ZC3H4: variants seen among roughly 807,000 people sequenced by gnomAD.
ZC3H4 encodes the protein zinc finger CCCH-type containing 4, also known as zinc finger CCCH domain-containing protein 4.
Under a neutral mutation model 108.3 loss-of-function variants are expected in ZC3H4, and 13 were observed. That is an observed-to-expected ratio of 0.12 (90% CI 0.08 to 0.19). ZC3H4 has a LOEUF of 0.19. Ranked by LOEUF, ZC3H4 falls within the 10% of genes least tolerant of loss-of-function variation. The pLI is 1.00. For synonymous variants in ZC3H4, 917 were observed against 749.6 expected (o/e 1.22, Z -3.65); for missense variants, 1,734 against 1,838.8 (o/e 0.94, Z 1.04).
At chr19:47,076,656 C>A (rs962922382) in intron 11 of ZC3H4, among the ~76,000 whole-genome samples, 2 of 152,018 alleles carry the variant, frequency 1.3e-5, no homozygotes, top group Non-Finnish European at 2.9e-5. Context: ...GAGTTCAAGA[C>A]CAGCCTGACC....
intron 2 of ZC3H4, among the ~76,000 whole-genome samples, chr19:47,109,040 G>A (rs1600117585): frequency 3.3e-5 from 5 of 152,180 alleles, no homozygotes; most frequent in Admixed American, 2.6e-4. Context: ...GTAAAAGTTT[G>A]TAAGTGTATA....
Position 47,068,846 on chromosome 19 carries a change from C to A in ZC3H4, c.2398+246G>T, listed in dbSNP as rs978287113. Among the ~76,000 whole-genome samples the A allele has an allele frequency of 3.9e-5, 6 of 152,214 alleles. 1 individual carries two copies. Among genetic ancestry groups the A allele is most frequent in the Admixed American group, 3.9e-4 (6 of 15,284 alleles). On this transcript the variant is annotated intron_variant, in intron 14 of 14. Coordinates refer to ENST00000253048, the MANE Select transcript of ZC3H4 (RefSeq NM_015168.2). Reference sequence around the variant, plus strand: ...TGTTGGCCACTGTCTCCTCCAGGAACTAGCCCTCCATCCTACTCCATGGGA... The same window carrying A: ...TGTTGGCCACTGTCTCCTCCAGGAAATAGCCCTCCATCCTACTCCATGGGA...
At chr19:47,084,484 G>C (rs2057580972) in intron 8 of ZC3H4, 29 bp from the exon 9 acceptor site, 1 of 1,606,710 alleles carries the variant, frequency 6.2e-7, no homozygotes, top group Middle Eastern at 1.7e-4. Context: ...GGACGTAAAG[G>C]GGAATGAAAG....
At chr19:47,090,892 G>A (rs2057719795) in intron 4 of ZC3H4, among the ~76,000 whole-genome samples, 1 of 152,216 alleles carries the variant, frequency 6.6e-6, no homozygotes, top group African/African-American at 2.4e-5. Flanking sequence ...ACTGGAGGCA[G>A]GGAAGGGGGC....
At chr19:47,086,644 C>CT in intron 5 of ZC3H4, 106 bp from the exon 6 acceptor site, 1 of 1,423,664 alleles carries the variant, frequency 7.0e-7, no homozygotes, top group Non-Finnish European at 9.1e-7. Context: ...CAGCTGCCTC[C>CT]TCCTCCTTCT....
In ZC3H4 at chr19:47,071,975, G is replaced by A; in HGVS notation, c.1949C>T (p.Ala650Val). Reference protein sequence around the residue: ...MHPDMHADMHADMPMGPGMNP... With the variant: ...MHPDMHADMHVDMPMGPGMNP... The stretch of plus-strand genomic sequence containing the variant: ...CATGCCAGGGCCCATCGGCATGTCT[G>A]CGTGCATGTCTGCGTGCATGTCAGG... The change falls in exon 13 of 15, where the codon GCA (alanine) becomes GTA (valine). Residue 650 changes from alanine (A) to valine (V), a missense_variant. By Grantham distance (64) the Ala-to-Val change is moderately conservative (BLOSUM62 0). Around this residue, in one of 9 missense-constraint regions of ZC3H4, gnomAD observed 540 missense variants for 484.1 expected, o/e 1.12. Transcript: ENST00000253048. The A allele has an allele frequency of 1.3e-6, 2 of 1,574,300 alleles. No individual in the cohort carries two copies. Among genetic ancestry groups the A allele is most frequent in the Non-Finnish European group, 1.7e-6 (2 of 1,146,462 alleles).
chr19:47,085,044 G>A lies in ZC3H4; in HGVS notation c.1107+12C>T, dbSNP rs1191617686. 2.0e-5 allele frequency: 32 copies of A among 1,614,096 alleles called. No homozygotes were observed. The highest frequency in any genetic ancestry group is 2.7e-5 in the Non-Finnish European group (32 of 1,179,982). The stretch of plus-strand genomic sequence containing the variant: ...TTGGCCCAAACATCAGATCAGAGTG[G>A]AGTCAACTCACGCCCATGTCCTCGT... On this transcript the variant is annotated intron_variant, in intron 8 of 14. Coordinates refer to ENST00000253048, the MANE Select transcript of ZC3H4 (RefSeq NM_015168.2).
chr19:47,066,895 C>A lies in ZC3H4; in HGVS notation c.3373G>T (p.Val1125Leu). 3.8e-6 allele frequency: 6 copies of A among 1,597,758 alleles called. No individual in the cohort carries two copies. Among genetic ancestry groups the A allele is most frequent in the Non-Finnish European group, 5.1e-6 (6 of 1,178,006 alleles). ...PPATAPYDPR[V>L]LAAGGLGQGG... ...TGGCCCAGTCCACCGGCCGCCAGCA[C>A]GCGGGGGTCGTAGGGAGCGGTGGCT... Residue 1125 changes from valine to leucine, a missense_variant, in exon 15 of 15, where the codon GTG becomes TTG. Val to Leu is a conservative substitution (Grantham distance 32). This residue lies in a region of ZC3H4 where 518 missense variants were observed against 499.6 expected (regional missense o/e 1.04). Transcript: ENST00000253048.
Position 47,072,935 on chromosome 19 carries a change from T to A in ZC3H4, c.1441-222A>T, listed in dbSNP as rs558383163. Among the ~76,000 whole-genome samples, 1 of 152,282 alleles carries A rather than the reference T, an allele frequency of 6.6e-6. No individual in the cohort carries two copies. Among genetic ancestry groups the A allele is most frequent in the South Asian group, 2.1e-4 (1 of 4,824 alleles). On this transcript the variant is annotated intron_variant, in intron 11 of 14. Transcript: ENST00000253048. This position sits in a 1 kb window ranked among gnomAD's most constrained non-coding sequence, Gnocchi z 5.6. ...GGTAGAGGGGGGGCCATTCCTGCTC[T>A]ATGGCAAAATACACATAACAAAGCA...
At position 47,067,245 on chromosome 19, in the gene ZC3H4, A is replaced by G; in HGVS notation, c.3023T>C (p.Leu1008Pro). Reference protein sequence around the residue: ...VPAALQSMPTLDPRLHRAATA... With the variant: ...VPAALQSMPTPDPRLHRAATA... ...GGCAGCGCGGTGCAGCCGGGGGTCC[A>G]GGGTGGGCATGGATTGCAGGGCCGC... Residue 1008 changes from leucine to proline, a missense_variant, in exon 15 of 15, where the codon CTG (leucine) becomes CCG (proline). Transcript: ENST00000253048. This position sits in a 1 kb window ranked among gnomAD's most constrained non-coding sequence, Gnocchi z 6.4. 6.2e-7 allele frequency: 1 copy of G among 1,601,086 alleles called. No individual in the cohort carries two copies. Among genetic ancestry groups the G allele is most frequent in the East Asian group, 2.2e-5 (1 of 44,588 alleles).
chr19:47,072,507 G>C lies in ZC3H4; in HGVS notation c.1647C>G (p.Pro549=). Residue 549 remains proline (P), a synonymous_variant, in exon 12 of 15, where the codon CCC becomes CCG. Transcript: ENST00000253048. This position sits in a 1 kb window ranked among gnomAD's most constrained non-coding sequence, Gnocchi z 5.6. ...GGPPPPPPPP[P]PPPGPPQMPM... ...GCATCTGAGGGGGCCCGGGCGGTGG[G>C]GGAGGGGGAGGGGGCGGGGGCGGGG... 7.4e-7 allele frequency: 1 copy of C among 1,343,994 alleles called. No homozygotes were observed. Among genetic ancestry groups the C allele is most frequent in the Non-Finnish European group, 1.0e-6 (1 of 987,304 alleles). The allele number at this position is 1,343,994 out of a possible 1,614,324, so 83.3% of individuals were successfully genotyped here.
At chr19:47,081,799 C>T (rs996428253) in intron 10 of ZC3H4, among the ~76,000 whole-genome samples, 177 bp from the exon 11 acceptor site, 4 of 152,072 alleles carry the variant, frequency 2.6e-5, no homozygotes, top group African/African-American at 7.2e-5. Context: ...GGAGAGACCC[C>T]GGCACTCCAG....
At chr19:47,091,693 C>T (rs1261583055) in intron 4 of ZC3H4, among the ~76,000 whole-genome samples, 1 of 151,970 alleles carries the variant, frequency 6.6e-6, no homozygotes, top group South Asian at 2.1e-4. Flanking sequence ...CGAGACCAGC[C>T]TGGCCAACAT....
rs779481118 is a variant in ZC3H4 at position 47,108,160 on chromosome 19, G to GT, written c.161+4263dup. ...CAGGAGTCATCCTTTTTTCTTAGCT[G>GT]TGCTGCCAAGGCACAGGTTAAGCGC... On this transcript the variant is annotated intron_variant, in intron 2 of 14. Transcript: ENST00000253048. Among the ~76,000 whole-genome samples, 132 of 152,126 alleles carry GT rather than the reference G, an allele frequency of 8.7e-4. 2 individuals carry two copies. Among genetic ancestry groups the GT allele is most frequent in the Admixed American group, 1.9e-3 (29 of 15,268 alleles).
At chr19:47,108,409 A>G (rs910485570) in intron 2 of ZC3H4, among the ~76,000 whole-genome samples, 2 of 152,170 alleles carry the variant, frequency 1.3e-5, no homozygotes, top group Non-Finnish European at 1.5e-5. Flanking sequence ...CTCTATGGAG[A>G]GATGTTTCTA....
chr19:47,109,380 C>T (rs770703955), intron 2 of ZC3H4, among the ~76,000 whole-genome samples: 5 of 152,176 alleles, frequency 3.3e-5, no homozygotes, highest in Non-Finnish European at 5.9e-5. Context: ...ATCTCATTTC[C>T]TTAACGTTTC....
chr19:47,111,374 TA>T (rs2058037011), intron 2 of ZC3H4, among the ~76,000 whole-genome samples: 1 of 152,098 alleles, frequency 6.6e-6, no homozygotes, highest in Non-Finnish European at 1.5e-5. Flanking sequence ...GTTTCGGACT[TA>T]ATAAAGAGAA....
intron 2 of ZC3H4, among the ~76,000 whole-genome samples, chr19:47,102,936 C>T (rs1362912960): frequency 2.0e-5 from 3 of 152,290 alleles, no homozygotes; most frequent in African/African-American, 7.2e-5. Context: ...TTAGGCAGAA[C>T]ATTTCTGTAA....
rs983633378 is a variant in ZC3H4, at chr19:47,064,867, G to A, written c.*1489C>T. On this transcript the variant is annotated 3_prime_UTR_variant, in exon 15 of 15. Coordinates refer to ENST00000253048, the MANE Select transcript of ZC3H4 (RefSeq NM_015168.2). ...TTCATTTTTCTCTTTTTGGGGTGGG[G>A]TGGGATAGGAGCCTTGTTCACCCCA... is the stretch of plus-strand genomic sequence containing the variant. 1 of 152,196 alleles carries A rather than the reference G, an allele frequency of 6.6e-6. No individual in the cohort carries two copies. Among genetic ancestry groups the A allele is most frequent in the African/African-American group, 2.4e-5 (1 of 41,420 alleles). 9.4% of individuals were successfully genotyped at this position (152,196 alleles called of 1,614,324 possible).
Sources: gnomAD v4.1 joint callset for allele counts (sites outside exome capture counted in the v4.1 genomes callset) on GRCh38, gnomAD v4.1.1 for gene constraint, gnomAD v4.1.1 regional missense constraint, Gnocchi (gnomAD v3.1) non-coding constraint, MANE v1.5 for transcripts, NCBI Gene and HGNC (gene_info 2026-07-23, HGNC 2026-07-21) for gene names.